The following TRPC4 variants were observed in gnomAD, a reference collection of about 807,000 sequenced individuals.
The protein encoded by TRPC4 is transient receptor potential cation channel subfamily C member 4, also known as short transient receptor potential channel 4.
TRPC4 carries 49 observed loss-of-function variants against 99.4 expected under a neutral mutation model. The observed-to-expected ratio is 0.49, with a 90% CI of 0.39 to 0.63. TRPC4 has a LOEUF of 0.63. Ranked by LOEUF, TRPC4 falls within the 20% of genes least tolerant of loss-of-function variation. The pLI is 0.00. For missense variants in TRPC4, 898 were observed against 1,152.9 expected (o/e 0.78, Z 3.20); for synonymous variants, 454 against 425.9 (o/e 1.07, Z -0.81).
At position 37,651,537 on chromosome 13, in the gene TRPC4, C is replaced by T. The variant is rs1042845208; in HGVS notation, c.1885-78G>A. 6.7e-6 allele frequency: 9 copies of T among 1,342,782 alleles called. No homozygotes were observed. In the Admixed American group the frequency reaches 1.3e-4, roughly 19 times the overall value. 83.2% of individuals were successfully genotyped at this position (1,342,782 alleles called of 1,614,324 possible). A position where few individuals can be genotyped will look rare whatever the true frequency, so the allele number is the denominator to read the frequency against. ...CATAAATCTCACAGAGATCCTGTAA[C>T]CTGACTTCAAGCGGCTCTTGGAACA... On this transcript the variant is annotated intron_variant, in intron 7 of 10. Coordinates refer to ENST00000379705, the MANE Select transcript of TRPC4 (RefSeq NM_016179.4).
chr13:37,780,021 T>A (rs757790954), intron 2 of TRPC4, among the ~76,000 whole-genome samples: 2 of 152,030 alleles, frequency 1.3e-5, no homozygotes, highest in African/African-American at 2.4e-5. Context: ...CTTTTCTGTA[T>A]TCACAATCGG....
rs1400983666 is a variant in TRPC4, at chr13:37,746,201, C to G, written c.633G>C (p.Leu211=). Residue 211 remains leucine, a synonymous_variant, in exon 3 of 11, where the codon CTG becomes CTC. Transcript: ENST00000379705. ...KALASPSLIA[L]SSEDPFLTAF... ...CTGTGAGAAAAGGATCTTCGCTTGACAGTGCAATGAGAGAGGGACTGGCCA... is the reference window on the plus strand; with the variant it reads ...CTGTGAGAAAAGGATCTTCGCTTGAGAGTGCAATGAGAGAGGGACTGGCCA... The G allele has an allele frequency of 1.9e-6, 3 of 1,613,720 alleles. No individual in the cohort carries two copies. The highest frequency in any genetic ancestry group is 2.5e-6 in the Non-Finnish European group (3 of 1,179,868).
chr13:37,692,003 G>T lies in TRPC4; in HGVS notation c.1230C>A (p.Val410=). The change falls in exon 4 of 11, where the codon GTC becomes GTA. Residue 410 remains valine, a synonymous_variant. Transcript: ENST00000379705. Reference sequence around the variant, plus strand: ...TTTCTATAGTAACACATTTACCCAGGACCCACGGTAATATCATCCACTCGA... The same window carrying T: ...TTTCTATAGTAACACATTTACCCAGTACCCACGGTAATATCATCCACTCGA... The part of the protein sequence containing the change: ...TIVEWMILPW[V]LGFIWGEIKQ... 2 of 1,611,794 alleles carry T rather than the reference G, an allele frequency of 1.2e-6. No individual in the cohort carries two copies. The highest frequency in any genetic ancestry group is 1.7e-6 in the Non-Finnish European group (2 of 1,178,194).
intron 2 of TRPC4, among the ~76,000 whole-genome samples, chr13:37,765,804 T>C (rs1956348716): frequency 6.6e-6 from 1 of 151,496 alleles, no homozygotes; most frequent in Non-Finnish European, 1.5e-5. Flanking sequence ...TTGTTCAGTG[T>C]TAAATAGAAT....
At chr13:37,777,043 C>A (rs879829272) in intron 2 of TRPC4, among the ~76,000 whole-genome samples, 2 of 151,868 alleles carry the variant, frequency 1.3e-5, no homozygotes, top group Admixed American at 6.6e-5. Flanking sequence ...TTTCTAAAGA[C>A]ACAATTGTAT....
At chr13:37,798,257 A>G (rs1429057118) in intron 1 of TRPC4, among the ~76,000 whole-genome samples, 1 of 152,178 alleles carries the variant, frequency 6.6e-6, no homozygotes, top group African/African-American at 2.4e-5. Flanking sequence ...TGAACTACAT[A>G]GTAGAATCAT....
intron 6 of TRPC4, among the ~76,000 whole-genome samples, chr13:37,662,880 G>A (rs1338583710): frequency 1.3e-5 from 2 of 152,192 alleles, no homozygotes; most frequent in East Asian, 1.9e-4. Context: ...CAGCCATAAG[G>A]GCACAGAGAG....
At chr13:37,638,105 C>T (rs1028087746) in intron 10 of TRPC4, among the ~76,000 whole-genome samples, 3 of 152,082 alleles carry the variant, frequency 2.0e-5, no homozygotes, top group Non-Finnish European at 4.4e-5. Flanking sequence ...GACCTTCCCC[C>T]TACATCTGGG....
intron 3 of TRPC4, among the ~76,000 whole-genome samples, chr13:37,694,620 G>A (rs1953848123): frequency 6.6e-6 from 1 of 152,190 alleles, no homozygotes; most frequent in Non-Finnish European, 1.5e-5. Context: ...GGTTAGCCAT[G>A]ATTTTTTATT....
At chr13:37,833,173 C>T (rs185694398) in intron 1 of TRPC4, among the ~76,000 whole-genome samples, 2 of 152,040 alleles carry the variant, frequency 1.3e-5, no homozygotes, top group Non-Finnish European at 2.9e-5. Context: ...GCTTCTCATT[C>T]TATGTTTCTG....
intron 1 of TRPC4, among the ~76,000 whole-genome samples, chr13:37,789,685 CT>C (rs59029228): frequency 0.023 from 3,411 of 146,316 alleles, 121 homozygotes; most frequent in African/African-American, 0.078. Context: ...TACTTTATTT[CT>C]TTTTTTTTTT....
chr13:37,869,408 T>A (rs555216330), intron 1 of TRPC4, among the ~76,000 whole-genome samples, 187 bp downstream of exon 1: 1 of 152,148 alleles, frequency 6.6e-6, no homozygotes, highest in African/African-American at 2.4e-5. Context: ...GCTTCACAGG[T>A]TTTTTTCCTG....
intron 1 of TRPC4, among the ~76,000 whole-genome samples, chr13:37,855,553 C>A (rs1959166246): frequency 6.6e-6 from 1 of 151,674 alleles, no homozygotes; most frequent in Non-Finnish European, 1.5e-5. Context: ...ATTTATAGAA[C>A]ATTTTACCCA....
In TRPC4 at chr13:37,843,846, C is replaced by T. The variant is rs116318610; in HGVS notation, c.-28+25749G>A. 2.6e-3 allele frequency among the ~76,000 whole-genome samples: 402 copies of T among 152,252 alleles called. 3 individuals are homozygous for T. The highest frequency in any genetic ancestry group is 8.9e-3 in the African/African-American group (371 of 41,554). ...GGCAAGAAGATAATTCTGAATATCCCACACCTTGGAAGTGAGTCAAGGACA... is the reference window on the plus strand; with the variant it reads ...GGCAAGAAGATAATTCTGAATATCCTACACCTTGGAAGTGAGTCAAGGACA... On this transcript the variant is annotated intron_variant, in intron 1 of 10. Transcript: ENST00000379705.
intron 3 of TRPC4, among the ~76,000 whole-genome samples, chr13:37,708,243 G>T (rs920273312): frequency 2.0e-5 from 3 of 152,084 alleles, no homozygotes; most frequent in South Asian, 2.1e-4. Context: ...AAATGCTCAA[G>T]AATTTCTTGC....
Position 37,650,740 on chromosome 13 carries a change from G to A in TRPC4, c.2079+525C>T, listed in dbSNP as rs1952019910. On this transcript the variant is annotated intron_variant, in intron 8 of 10. Coordinates refer to ENST00000379705, the MANE Select transcript of TRPC4 (RefSeq NM_016179.4). Reference sequence around the variant, plus strand: ...ATTCTGGAATCACACTTAACAGTTGGCACAGCATATTTAAGTTATAATATT... The same window carrying A: ...ATTCTGGAATCACACTTAACAGTTGACACAGCATATTTAAGTTATAATATT... 2.0e-5 allele frequency among the ~76,000 whole-genome samples: 3 copies of A among 151,970 alleles called. No individual in the cohort carries two copies. In the South Asian group the frequency reaches 6.2e-4, roughly 32 times the overall value.
At chr13:37,744,143 C>T (rs747109112) in intron 3 of TRPC4, among the ~76,000 whole-genome samples, 14 of 152,066 alleles carry the variant, frequency 9.2e-5, no homozygotes, top group African/African-American at 1.4e-4. Context: ...ATCATCGTGT[C>T]GATTCTTTAA....
At chr13:37,820,178 A>C (rs2139526330) in intron 1 of TRPC4, among the ~76,000 whole-genome samples, 1 of 152,208 alleles carries the variant, frequency 6.6e-6, no homozygotes, top group East Asian at 1.9e-4. Context: ...TTATGCATAC[A>C]AACTAGAAAC....
chr13:37,724,334 C>T (rs1954966589), intron 3 of TRPC4, among the ~76,000 whole-genome samples: 1 of 152,156 alleles, frequency 6.6e-6, no homozygotes, highest in African/African-American at 2.4e-5. Context: ...CACAGGAAAA[C>T]ATCTGGGACT....
Sources: gnomAD v4.1 joint callset for allele counts (sites outside exome capture counted in the v4.1 genomes callset) on GRCh38, gnomAD v4.1.1 for gene constraint, MANE v1.5 for transcripts, NCBI Gene and HGNC (gene_info 2026-07-23, HGNC 2026-07-21) for gene names.